Variants in PDZD2 observed in about 807,000 individuals in gnomAD.
The protein encoded by PDZD2 is PDZ domain-containing protein 2.
A neutral mutation model predicts 220.7 loss-of-function variants in PDZD2; 90 were observed. The ratio of observed to expected loss-of-function variants is 0.41; its 90% confidence interval spans 0.34 to 0.49. The LOEUF is 0.49. PDZD2 is among the 20% of genes least tolerant of loss of function. The pLI, the probability that PDZD2 is intolerant of heterozygous loss-of-function variation, is 0.28. For synonymous variants in PDZD2, 1,375 were observed against 1,450.5 expected (o/e 0.95, Z 1.18); for missense variants, 3,174 against 3,608.5 (o/e 0.88, Z 3.08).
intron 1 of PDZD2, among the ~76,000 whole-genome samples, chr5:31,648,856 T>A (rs1745231673): frequency 6.6e-6 from 1 of 151,912 alleles, no homozygotes. Flanking sequence ...ATCCCTCGAG[T>A]CCATAGTTTA....
chr5:32,090,860 A>C lies in PDZD2; in HGVS notation c.7412A>C (p.His2471Pro), dbSNP rs926320727. 12 of 1,614,032 alleles carry C rather than the reference A, an allele frequency of 7.4e-6. No homozygotes were observed. Among genetic ancestry groups the C allele is most frequent in the Non-Finnish European group, 1.0e-5 (12 of 1,180,024 alleles). Residue 2471 changes from histidine to proline, a missense_variant, in exon 20 of 25, where the codon CAC (histidine) becomes CCC (proline). Transcript: ENST00000438447. The surrounding 1 kb of genome is among the most constrained non-coding windows in gnomAD (Gnocchi z 4.3). ...AAGAGGAACAAGTCCTCGGTACGCC[A>C]CACGCAGCCCTCGCCCGTGTCCCGC... ...PVKRNKSSVR[H>P]TQPSPVSRSK...
At chr5:31,686,664 G>A (rs1273244063) in intron 1 of PDZD2, among the ~76,000 whole-genome samples, 7 of 152,144 alleles carry the variant, frequency 4.6e-5, no homozygotes, top group Non-Finnish European at 5.9e-5. Flanking sequence ...ACCGTGCCTG[G>A]CCAATATATA....
intron 1 of PDZD2, among the ~76,000 whole-genome samples, chr5:31,728,944 T>C (rs1356550353): frequency 6.6e-6 from 1 of 152,200 alleles, no homozygotes; most frequent in Non-Finnish European, 1.5e-5. Flanking sequence ...AACCTGTGCC[T>C]CCTGGGTTCA....
chr5:32,062,575 G>T (rs555909296), intron 14 of PDZD2, among the ~76,000 whole-genome samples: 1 of 151,834 alleles, frequency 6.6e-6, no homozygotes, highest in African/African-American at 2.4e-5. Context: ...TACATTTTTG[G>T]TAGAGATGGG....
chr5:31,759,405 G>A (rs1183807710), intron 1 of PDZD2, among the ~76,000 whole-genome samples: 3 of 152,104 alleles, frequency 2.0e-5, no homozygotes, highest in African/African-American at 7.2e-5. Context: ...TGATTTGCTG[G>A]CGCTGTAGTC....
intron 1 of PDZD2, among the ~76,000 whole-genome samples, chr5:31,773,658 T>A (rs10062570): frequency 6.6e-6 from 1 of 152,012 alleles, no homozygotes; most frequent in Non-Finnish European, 1.5e-5. Context: ...TCAAAAAATA[T>A]TTATTTAGAT....
At chr5:31,775,783 C>A (rs1157415972) in intron 1 of PDZD2, among the ~76,000 whole-genome samples, 1 of 151,348 alleles carries the variant, frequency 6.6e-6, no homozygotes, top group Non-Finnish European at 1.5e-5. Flanking sequence ...TGCTGAGAGC[C>A]TAGTAGGTGG....
intron 1 of PDZD2, among the ~76,000 whole-genome samples, chr5:31,682,531 TAA>T (rs1189035418): frequency 6.6e-6 from 1 of 152,186 alleles, no homozygotes; most frequent in Non-Finnish European, 1.5e-5. Flanking sequence ...TGTATTTAAA[TAA>T]GAGTGTAATT....
intron 2 of PDZD2, among the ~76,000 whole-genome samples, chr5:31,967,698 C>T (rs56305032): frequency 0.22 from 33,934 of 152,140 alleles, 4,836 homozygotes; most frequent in Middle Eastern, 0.35. Flanking sequence ...GGAATTGCCA[C>T]GGGCAGTGCA....
chr5:31,660,365 G>T (rs773829954), intron 1 of PDZD2, among the ~76,000 whole-genome samples: 1 of 152,098 alleles, frequency 6.6e-6, no homozygotes, highest in Non-Finnish European at 1.5e-5. Context: ...ATTTTTTAGA[G>T]ATGGGGTCTG....
chr5:31,999,320 T>C (rs888272920), intron 4 of PDZD2, among the ~76,000 whole-genome samples: 10 of 150,952 alleles, frequency 6.6e-5, no homozygotes, highest in African/African-American at 2.4e-4. Context: ...CGTCCTTCTG[T>C]ACATGAAGCT....
At chr5:31,803,879 A>AT (rs887547433) in intron 2 of PDZD2, among the ~76,000 whole-genome samples, 1 of 151,780 alleles carries the variant, frequency 6.6e-6, no homozygotes, top group Non-Finnish European at 1.5e-5. Flanking sequence ...CTATAAAAAA[A>AT]TTTTTTTTAA....
In PDZD2 at chr5:32,087,885, G is replaced by T; in HGVS notation, c.4437G>T (p.Gln1479His). The part of the protein sequence containing the change: ...SCRAEPVPGG[Q>H]TSSPRRAWAA... ...GTGCCGAACCAGTCCCGGGGGGCCAGACCTCCTCCCCGAGGAGGGCCTGGG... is the reference window on the plus strand; with the variant it reads ...GTGCCGAACCAGTCCCGGGGGGCCATACCTCCTCCCCGAGGAGGGCCTGGG... The change falls in exon 20 of 25, where the codon CAG becomes CAT. Residue 1479 changes from glutamine to histidine, a missense_variant. Physicochemically the swap from Gln to His is conservative, Grantham distance 24. This residue lies in a region of PDZD2 where 1,861 missense variants were observed against 2,001.0 expected (regional missense o/e 0.93). Coordinates refer to ENST00000438447, the MANE Select transcript of PDZD2 (RefSeq NM_178140.4). The surrounding 1 kb of genome is among the most constrained non-coding windows in gnomAD (Gnocchi z 4.0). 1.9e-6 allele frequency: 3 copies of T among 1,612,842 alleles called. No individual in the cohort carries two copies. The highest frequency in any genetic ancestry group is 1.7e-6 in the Non-Finnish European group (2 of 1,179,592).
intron 1 of PDZD2, among the ~76,000 whole-genome samples, chr5:31,665,403 T>C (rs1745943748): frequency 6.6e-6 from 1 of 152,096 alleles, no homozygotes; most frequent in African/African-American, 2.4e-5. Flanking sequence ...ATTCAGCTTG[T>C]GTTCTGGTCT....
chr5:31,815,349 C>CT (rs1755380470), intron 2 of PDZD2, among the ~76,000 whole-genome samples: 1 of 151,212 alleles, frequency 6.6e-6, no homozygotes, highest in African/African-American at 2.4e-5. Flanking sequence ...AGCAAAAGAC[C>CT]TGGGAAAGGA....
chr5:31,844,200 A>G (rs1211741740), intron 2 of PDZD2, among the ~76,000 whole-genome samples: 1 of 152,224 alleles, frequency 6.6e-6, no homozygotes, highest in Non-Finnish European at 1.5e-5. Flanking sequence ...GAAACACTCA[A>G]TTGAATGGTA....
chr5:32,100,907 A>T (rs771743178), intron 23 of PDZD2, 198 bp from the exon 24 acceptor site: 1 of 1,591,614 alleles, frequency 6.3e-7, no homozygotes, highest in South Asian at 1.1e-5. Context: ...CACAGCCAGG[A>T]GGGCAGCCCC....
chr5:31,953,590 G>T (rs547353701), intron 2 of PDZD2, among the ~76,000 whole-genome samples: 2 of 152,100 alleles, frequency 1.3e-5, no homozygotes, highest in South Asian at 4.2e-4. Context: ...CAAGATGAGA[G>T]GATTGCTTGA....
chr5:31,912,158 C>T (rs1743265238), intron 2 of PDZD2, among the ~76,000 whole-genome samples: 1 of 152,126 alleles, frequency 6.6e-6, no homozygotes, highest in Non-Finnish European at 1.5e-5. Flanking sequence ...AAGTAACAAA[C>T]TTATTTCCCA....
Sources: allele counts gnomAD v4.1 joint callset (sites outside exome capture counted in the v4.1 genomes callset), GRCh38; gene constraint gnomAD v4.1.1; regional missense constraint gnomAD v4.1.1; non-coding constraint Gnocchi (gnomAD v3.1); transcripts MANE v1.5; gene names NCBI Gene and HGNC (gene_info 2026-07-23, HGNC 2026-07-21).